Variants in APBA2 observed in about 807,000 individuals in gnomAD.
The protein encoded by APBA2 is amyloid beta precursor protein binding family A member 2, also known as amyloid-beta A4 precursor protein-binding family A member 2.
In APBA2, 30 loss-of-function variants were observed where a neutral mutation model predicts 75.0. The observed-to-expected ratio is 0.40, with a 90% confidence interval of 0.30 to 0.54. APBA2 has a LOEUF of 0.54. APBA2 is among the 20% of genes least tolerant of loss of function. The pLI is 0.49. For synonymous variants in APBA2, 444 were observed against 409.6 expected (o/e 1.08, Z -1.01); for missense variants, 801 against 1,016.1 (o/e 0.79, Z 2.88).
intron 2 of APBA2, among the ~76,000 whole-genome samples, chr15:28,942,220 G>A (rs1311139221): frequency 1.3e-5 from 2 of 152,220 alleles, no homozygotes; most frequent in Non-Finnish European, 2.9e-5. Flanking sequence ...GCGCTTCGTC[G>A]TGGGAGTGCT....
intron 6 of APBA2, among the ~76,000 whole-genome samples, 185 bp downstream of exon 6, chr15:29,076,276 GC>G (rs1478777297): frequency 2.0e-5 from 3 of 152,160 alleles, no homozygotes; most frequent in African/African-American, 7.2e-5. Context: ...GGGAGGTCCA[GC>G]TGATCTGCCC....
At chr15:28,906,323 G>A (rs1224570073) in intron 1 of APBA2, among the ~76,000 whole-genome samples, 1 of 152,178 alleles carries the variant, frequency 6.6e-6, no homozygotes, top group Non-Finnish European at 1.5e-5. Flanking sequence ...ATGTCCTTTG[G>A]AGGGACTTGG....
At position 29,039,217 on chromosome 15, in the gene APBA2, G is replaced by A. The variant is rs183207491; in HGVS notation, c.-40-14628G>A. On this transcript the variant is annotated intron_variant, in intron 3 of 14. Transcript: ENST00000683413. ...TAAGGCCCACCAGGGAGATTCCTGT[G>A]AGGGGGTCAGACAGGGCCTTTGAAG... Among the ~76,000 whole-genome samples the A allele has an allele frequency of 3.8e-4, 58 of 151,542 alleles. No individual in the cohort carries two copies. The Middle Eastern group carries it at 0.02, about 53-fold the overall frequency.
chr15:29,106,837 C>G lies in APBA2; in HGVS notation c.1917+18C>G. 6.2e-7 allele frequency: 1 copy of G among 1,608,160 alleles called. No homozygotes were observed. The highest frequency in any genetic ancestry group is 8.5e-7 in the Non-Finnish European group (1 of 1,175,872). ...TCATCAAGGTAGGCACCCTGGGATCCTCCGCCCAGGGGTCACCTCAACCCT... is the reference window on the plus strand; with the variant it reads ...TCATCAAGGTAGGCACCCTGGGATCGTCCGCCCAGGGGTCACCTCAACCCT... On this transcript the variant is annotated intron_variant, in intron 12 of 14. Transcript: ENST00000683413.
intron 1 of APBA2, among the ~76,000 whole-genome samples, chr15:28,901,490 G>T (rs570252084): frequency 1.3e-5 from 2 of 152,312 alleles, no homozygotes; most frequent in East Asian, 3.9e-4. Context: ...TGGGATTTGG[G>T]GTGGGTTTTC....
At chr15:29,053,323 T>C (rs528017663) in intron 3 of APBA2, among the ~76,000 whole-genome samples, 1 of 152,200 alleles carries the variant, frequency 6.6e-6, no homozygotes, top group African/African-American at 2.4e-5. Context: ...CGGTGAACAT[T>C]GTTCAGTTTG....
intron 4 of APBA2, among the ~76,000 whole-genome samples, chr15:29,072,399 A>C (rs966021258): frequency 2.0e-5 from 3 of 152,194 alleles, no homozygotes; most frequent in Non-Finnish European, 4.4e-5. Flanking sequence ...GATGTCCCAA[A>C]TAAGGTTTAC....
Position 29,022,510 on chromosome 15 carries a change from G to GAT in APBA2, c.-41+26714_-41+26715dup, listed in dbSNP as rs759330330. ...ATTTTTGTGAATAGCGTAACTCAGG[G>GAT]ATATATATATAGCTTTTAAAAAATG... On this transcript the variant is annotated intron_variant, in intron 3 of 14. Transcript: ENST00000683413. Among the ~76,000 whole-genome samples, 14 of 151,676 alleles carry GAT rather than the reference G, an allele frequency of 9.2e-5. No homozygotes were observed. The East Asian group carries it at 9.7e-4, about 10-fold the overall frequency.
At chr15:28,979,307 C>T (rs1332078751) in intron 2 of APBA2, among the ~76,000 whole-genome samples, 1 of 152,246 alleles carries the variant, frequency 6.6e-6, no homozygotes, top group Non-Finnish European at 1.5e-5. Flanking sequence ...ACATGGTCCT[C>T]CCGGGTCCCG....
At chr15:29,008,785 A>G (rs982680035) in intron 3 of APBA2, among the ~76,000 whole-genome samples, 1 of 152,164 alleles carries the variant, frequency 6.6e-6, no homozygotes, top group Non-Finnish European at 1.5e-5. Flanking sequence ...TATGAATTCT[A>G]CCCACAGTCA....
At chr15:29,079,925 C>G (rs557357274) in intron 6 of APBA2, among the ~76,000 whole-genome samples, 1 of 152,304 alleles carries the variant, frequency 6.6e-6, no homozygotes, top group African/African-American at 2.4e-5. Flanking sequence ...TTCATGTCGC[C>G]TGGTCAACCA....
chr15:29,108,699 T>G, intron 13 of APBA2: 1 of 514,948 alleles, frequency 1.9e-6, no homozygotes, highest in South Asian at 2.1e-5. Flanking sequence ...CCACTGTAGC[T>G]TGGACACAAC....
Position 28,956,710 on chromosome 15 carries a change from A to G in APBA2, c.-95+34961A>G, listed in dbSNP as rs892744629. On this transcript the variant is annotated intron_variant, in intron 2 of 14. Transcript: ENST00000683413. ...CCTGCAAAACTGAAACTCTGTCCCC[A>G]TTAAACACTTAACTCCCATTCCTCC... 2.0e-5 allele frequency among the ~76,000 whole-genome samples: 3 copies of G among 152,260 alleles called. No homozygotes were observed. In the East Asian group the frequency reaches 5.8e-4, roughly 29 times the overall value.
intron 2 of APBA2, among the ~76,000 whole-genome samples, chr15:28,940,386 A>T (rs1007710303): frequency 2.4e-5 from 3 of 127,186 alleles, no homozygotes; most frequent in African/African-American, 7.0e-5. Flanking sequence ...AAAAAAAAAA[A>T]ATAGCGGGGC....
At chr15:28,948,185 A>T (rs967495078) in intron 2 of APBA2, among the ~76,000 whole-genome samples, 2 of 152,174 alleles carry the variant, frequency 1.3e-5, no homozygotes, top group Non-Finnish European at 2.9e-5. Context: ...TCATGTAGAG[A>T]AGGAATCAGA....
At chr15:29,087,202 A>C (rs1001533126) in intron 6 of APBA2, among the ~76,000 whole-genome samples, 8 of 152,140 alleles carry the variant, frequency 5.3e-5, no homozygotes, top group African/African-American at 1.9e-4. Flanking sequence ...TGCTATTACA[A>C]ATAGTGCTGC....
intron 3 of APBA2, among the ~76,000 whole-genome samples, chr15:29,003,989 G>T (rs1446015301): frequency 6.6e-6 from 1 of 152,304 alleles, no homozygotes; most frequent in South Asian, 2.1e-4. Flanking sequence ...TTGATAACAC[G>T]TGGGGGCTCC....
intron 8 of APBA2, among the ~76,000 whole-genome samples, chr15:29,097,587 T>A (rs2043911905): frequency 6.6e-6 from 1 of 152,250 alleles, no homozygotes; most frequent in African/African-American, 2.4e-5. Flanking sequence ...AACATAATAT[T>A]TTGGAGCATA....
chr15:28,926,404 TC>T (rs1225011559), intron 2 of APBA2, among the ~76,000 whole-genome samples: 1 of 152,148 alleles, frequency 6.6e-6, no homozygotes, highest in Non-Finnish European at 1.5e-5. Flanking sequence ...ACACTATACC[TC>T]CTCCCATTTA....
Sources: allele counts gnomAD v4.1 joint callset (sites outside exome capture counted in the v4.1 genomes callset), GRCh38; gene constraint gnomAD v4.1.1; transcripts MANE v1.5; gene names NCBI Gene and HGNC (gene_info 2026-07-23, HGNC 2026-07-21).